Variants in TCF20 observed in about 807,000 individuals in gnomAD.
TCF20 encodes SPRE-binding protein.
A neutral mutation model predicts 148.6 loss-of-function variants in TCF20; 3 were observed. That is an observed-to-expected ratio of 0.02 (90% CI 0.01 to 0.05). TCF20 has a LOEUF of 0.05. Among genes scored for constraint, TCF20 ranks in the 10% least tolerant of loss-of-function variants. The pLI is 1.00. For synonymous variants in TCF20, 1,049 were observed against 909.5 expected (o/e 1.15, Z -2.76); for missense variants, 2,350 against 2,429.3 (o/e 0.97, Z 0.69).
intron 1 of TCF20, among the ~76,000 whole-genome samples, chr22:42,231,388 G>A (rs1417796606): frequency 6.6e-6 from 1 of 152,136 alleles, no homozygotes; most frequent in Non-Finnish European, 1.5e-5. Context: ...GGAGGCTTAA[G>A]TGAGGGTTGC....
At chr22:42,250,868 C>G (rs1925306145) in intron 1 of TCF20, among the ~76,000 whole-genome samples, 1 of 152,190 alleles carries the variant, frequency 6.6e-6, no homozygotes. Context: ...CCAATCATGG[C>G]AGAAGGCAAA....
Position 42,270,381 on chromosome 22 carries a change from C to T in TCF20, c.-79G>A, listed in dbSNP as rs945616468. On this transcript the variant is annotated 5_prime_UTR_variant, in exon 1 of 6. Transcript: ENST00000677622. ...CCAGTCCCTCGGCCTCCGCCGGGGGCGGGCGGGGAGGGAGCGGTGGCGACG... is the reference window on the plus strand; with the variant it reads ...CCAGTCCCTCGGCCTCCGCCGGGGGTGGGCGGGGAGGGAGCGGTGGCGACG... Among the ~76,000 whole-genome samples, 1 of 149,728 alleles carries T rather than the reference C, an allele frequency of 6.7e-6. No homozygotes were observed. The highest frequency in any genetic ancestry group is 1.5e-5 in the Non-Finnish European group (1 of 67,176).
chr22:42,202,710 T>C (rs1305369196), intron 2 of TCF20, among the ~76,000 whole-genome samples: 1 of 152,222 alleles, frequency 6.6e-6, no homozygotes, highest in Non-Finnish European at 1.5e-5. Context: ...GGAACCTCCA[T>C]TTTCCTGAAA....
intron 2 of TCF20, among the ~76,000 whole-genome samples, chr22:42,189,063 GAACC>G (rs1344508286): frequency 2.0e-5 from 3 of 152,170 alleles, no homozygotes; most frequent in Non-Finnish European, 4.4e-5. Flanking sequence ...AGGGTGTAGG[GAACC>G]AACACAGTGG....
intron 1 of TCF20, among the ~76,000 whole-genome samples, chr22:42,328,457 A>G (rs1038109544): frequency 6.6e-6 from 1 of 152,118 alleles, no homozygotes; most frequent in African/African-American, 2.4e-5. Context: ...ACAAGGCTCA[A>G]GCACAGCTCC....
intron 1 of TCF20, among the ~76,000 whole-genome samples, chr22:42,309,130 A>G (rs2147040075): frequency 6.6e-6 from 1 of 152,234 alleles, no homozygotes. Flanking sequence ...GCGGTGGACC[A>G]TGCCCACTCT....
chr22:42,300,772 C>A (rs560396695), intron 1 of TCF20, among the ~76,000 whole-genome samples: 1 of 152,262 alleles, frequency 6.6e-6, no homozygotes, highest in East Asian at 1.9e-4. Flanking sequence ...CCCAGGCCTG[C>A]CTCTCTGCCT....
In TCF20 at chr22:42,338,581, G is replaced by A. The variant is rs1391471172; in HGVS notation, c.-37+4898C>T. 1.3e-5 allele frequency among the ~76,000 whole-genome samples: 2 copies of A among 152,210 alleles called. No homozygotes were observed. Among genetic ancestry groups the A allele is most frequent in the Non-Finnish European group, 2.9e-5 (2 of 68,024 alleles). On this transcript the variant is annotated intron_variant, in intron 1 of 1. Coordinates refer to the TCF20 transcript ENST00000515426. This position sits in a 1 kb window ranked among gnomAD's most constrained non-coding sequence, Gnocchi z 4.0. ...CCGGGAGGGAGGCGGGGAGGCTGGCGAGAGGCTTAATGAAACTGCTAACGC... is the reference window on the plus strand; with the variant it reads ...CCGGGAGGGAGGCGGGGAGGCTGGCAAGAGGCTTAATGAAACTGCTAACGC...
At chr22:42,187,426 AACC>A (rs1169378623) in intron 2 of TCF20, among the ~76,000 whole-genome samples, 27 of 152,302 alleles carry the variant, frequency 1.8e-4, no homozygotes, top group Admixed American at 9.2e-4. Flanking sequence ...TCTTTGGGAA[AACC>A]TTTCAAGTCA....
At chr22:42,305,304 C>A (rs1472493950) in intron 1 of TCF20, among the ~76,000 whole-genome samples, 1 of 152,168 alleles carries the variant, frequency 6.6e-6, no homozygotes, top group East Asian at 1.9e-4. Flanking sequence ...CAGCTCCCTG[C>A]CCCCCTCAGG....
At chr22:42,304,357 T>C (rs908175440) in intron 1 of TCF20, among the ~76,000 whole-genome samples, 1 of 151,672 alleles carries the variant, frequency 6.6e-6, no homozygotes, top group Admixed American at 6.6e-5. Flanking sequence ...CACAGGGAGG[T>C]GGGGAGGCTG....
intron 1 of TCF20, among the ~76,000 whole-genome samples, chr22:42,307,710 G>C (rs927502257): frequency 1.3e-5 from 2 of 152,224 alleles, no homozygotes; most frequent in Non-Finnish European, 2.9e-5. Context: ...CATCGCAGCG[G>C]AAGACGAGGC....
chr22:42,239,785 T>A (rs1924231983), intron 1 of TCF20, among the ~76,000 whole-genome samples: 1 of 152,110 alleles, frequency 6.6e-6, no homozygotes. Flanking sequence ...AGAGCGAGAC[T>A]CCGACTCAAA....
Position 42,279,496 on chromosome 22 carries a change from A to C in TCF20, c.-37+4331T>G, listed in dbSNP as rs1926853480. On this transcript the variant is annotated intron_variant, in intron 1 of 5. Coordinates refer to the TCF20 transcript ENST00000359486. This position sits in a 1 kb window ranked among gnomAD's most constrained non-coding sequence, Gnocchi z 4.3. ...TCTCAATAAATAAAATAAAATAAGG[A>C]AGGACAGAGGGCAATGTGACCTTCG... Among the ~76,000 whole-genome samples the C allele has an allele frequency of 6.6e-6, 1 of 152,114 alleles. No homozygotes were observed. Among genetic ancestry groups the C allele is most frequent in the Non-Finnish European group, 1.5e-5 (1 of 68,026 alleles).
intron 2 of TCF20, among the ~76,000 whole-genome samples, chr22:42,200,453 C>T (rs901011155): frequency 1.3e-5 from 2 of 151,950 alleles, no homozygotes; most frequent in African/African-American, 4.8e-5. Flanking sequence ...CCAGCCTGGC[C>T]AACATGGTCA....
upstream of TCF20, among the ~76,000 whole-genome samples, chr22:42,284,625 C>T (rs1926989519): frequency 6.6e-6 from 1 of 152,190 alleles, no homozygotes; most frequent in South Asian, 2.1e-4. Flanking sequence ...CCCTGGCTGC[C>T]CCCTACAAAG....
intron 5 of TCF20, among the ~76,000 whole-genome samples, chr22:42,164,451 G>A (rs758857088): frequency 6.6e-6 from 1 of 151,998 alleles, no homozygotes; most frequent in Non-Finnish European, 1.5e-5. Flanking sequence ...GGATGGTCTC[G>A]ATCTCCTGAC....
At chr22:42,189,634 G>A (rs535212994) in intron 2 of TCF20, among the ~76,000 whole-genome samples, 2 of 152,314 alleles carry the variant, frequency 1.3e-5, no homozygotes, top group South Asian at 4.1e-4. Context: ...ACACGAGGAA[G>A]AGACTAGGCT....
At chr22:42,205,223 T>C (rs1030757617) in intron 2 of TCF20, among the ~76,000 whole-genome samples, 7 of 152,182 alleles carry the variant, frequency 4.6e-5, no homozygotes, top group Non-Finnish European at 8.8e-5. Context: ...GTGGTCAATG[T>C]TGGACAGAAG....
Sources: allele counts gnomAD v4.1 joint callset (sites outside exome capture counted in the v4.1 genomes callset), GRCh38; gene constraint gnomAD v4.1.1; non-coding constraint Gnocchi (gnomAD v3.1); transcripts MANE v1.5; gene names NCBI Gene and HGNC (gene_info 2026-07-23, HGNC 2026-07-21).